ZNF48: variants seen among roughly 807,000 people sequenced by gnomAD.
ZNF48 encodes zinc finger protein 553.
ZNF48 carries 20 observed loss-of-function variants against 40.0 expected under a neutral mutation model. That is an observed-to-expected ratio of 0.50 (90% CI 0.35 to 0.73). The LOEUF (loss-of-function observed/expected upper bound fraction) is 0.73, where lower values mean the gene tolerates loss of function less well. Ranked by LOEUF, ZNF48 falls within the 30% of genes least tolerant of loss-of-function variation. The pLI is 0.01. For missense variants in ZNF48, 726 were observed against 851.9 expected, an observed-to-expected ratio of 0.85 and a Z score of 1.84; for synonymous variants, 298 against 329.7, an observed-to-expected ratio of 0.90 and a Z score of 1.04.
intron 1 of ZNF48, chr16:30,379,445 C>T: frequency 4.3e-6 from 7 of 1,613,468 alleles, no homozygotes; most frequent in Non-Finnish European, 5.9e-6. Context: ...CCTCCACGGT[C>T]CCCCAGGAGT....
At chr16:30,386,214 G>A (rs1249663251) in intron 1 of ZNF48, among the ~76,000 whole-genome samples, 1 of 152,120 alleles carries the variant, frequency 6.6e-6, no homozygotes, top group Non-Finnish European at 1.5e-5. Context: ...AGGAATTTGA[G>A]GCTGCAATGA....
At chr16:30,380,029 C>T (rs764119149) in intron 1 of ZNF48, 13 of 1,609,608 alleles carry the variant, frequency 8.1e-6, no homozygotes, top group Middle Eastern at 1.6e-4. Context: ...CAACTGATCC[C>T]GGATCTCAGG....
At chr16:30,392,886 G>A (rs1168108896), upstream of ZNF48, among the ~76,000 whole-genome samples, 5 of 152,186 alleles carry the variant, frequency 3.3e-5, no homozygotes, top group Non-Finnish European at 7.3e-5. Context: ...AGAGCTCCCT[G>A]AAGAGTTTCT....
At chr16:30,389,354 G>A (rs2049924914) in intron 1 of ZNF48, among the ~76,000 whole-genome samples, 1 of 149,674 alleles carries the variant, frequency 6.7e-6, no homozygotes, top group Non-Finnish European at 1.5e-5. Flanking sequence ...TTGTGCTACT[G>A]CACTCCAGCC....
upstream of ZNF48, among the ~76,000 whole-genome samples, chr16:30,393,838 C>T (rs908714470): frequency 2.6e-5 from 4 of 152,110 alleles, no homozygotes; most frequent in African/African-American, 9.7e-5. Context: ...GCCTCAGTCT[C>T]CAGTGTAGCC....
At chr16:30,388,096 AGCTGGGATTGATTACAG>A (rs1358689660) in intron 1 of ZNF48, among the ~76,000 whole-genome samples, 3 of 151,598 alleles carry the variant, frequency 2.0e-5, no homozygotes, top group Admixed American at 1.3e-4. Flanking sequence ...CCTCCCAAGT[AGCTGGGATTGATTACAG>A]GCATGCACCA....
intron 1 of ZNF48, chr16:30,378,670 G>T: frequency 6.2e-7 from 1 of 1,609,730 alleles, no homozygotes. Context: ...TGGGCAGCGG[G>T]ATCTCTGTGG....
In ZNF48 at chr16:30,381,867, G is replaced by C. The variant is rs1274912895; in HGVS notation, c.-16+3457G>C. On this transcript the variant is annotated intron_variant, in intron 1 of 2. Transcript: ENST00000528032. The surrounding 1 kb of genome is among the most constrained non-coding windows in gnomAD (Gnocchi z 4.3). ...CTACGCCCCGGCGCTCAATGGCCAG[G>C]GTCTGTGTCAAGCGAGCTGTGGGAT... is the stretch of plus-strand genomic sequence containing the variant. The C allele has an allele frequency of 1.2e-6, 2 of 1,614,002 alleles. No individual in the cohort carries two copies. The highest frequency in any genetic ancestry group is 1.7e-6 in the Non-Finnish European group (2 of 1,180,016).
At chr16:30,396,012 A>G in intron 2 of ZNF48, 139 bp downstream of exon 2, 1 of 902,246 alleles carries the variant, frequency 1.1e-6, no homozygotes. Flanking sequence ...GAGCTTTCGG[A>G]GCACCAACTG....
In ZNF48 at chr16:30,398,912, G is replaced by C. The variant is rs2050023943; in HGVS notation, c.1662G>C (p.Arg554=). 1 of 1,613,700 alleles carries C rather than the reference G, an allele frequency of 6.2e-7. No homozygotes were observed. The highest frequency in any genetic ancestry group is 1.1e-5 in the South Asian group (1 of 91,066). ...VCGFCGKEFP[R]SSDLVKHRRT... is the part of the protein sequence containing the mutation. ...GCTTCTGTGGGAAGGAGTTCCCCCG[G>C]AGCTCAGATCTGGTCAAACACAGGC... The change falls in exon 3 of 3, where the codon CGG becomes CGC. Residue 554 remains arginine (R), a synonymous_variant. Transcript: ENST00000613509. The surrounding 1 kb of genome is among the most constrained non-coding windows in gnomAD (Gnocchi z 6.6).
rs773826832 is a variant in ZNF48, at chr16:30,381,326, C to A, written c.-16+2916C>A. On this transcript the variant is annotated intron_variant, in intron 1 of 2. Coordinates refer to the ZNF48 transcript ENST00000528032. The surrounding 1 kb of genome is among the most constrained non-coding windows in gnomAD (Gnocchi z 4.3). ...CCCTAAATGCGCCAGCCCCCAGGAT[C>A]CCCCCACCAGACCCCCGGCCGAAGG... 1.1e-5 allele frequency: 17 copies of A among 1,593,762 alleles called. No individual in the cohort carries two copies. The East Asian group carries it at 2.9e-4, about 27-fold the overall frequency.
At chr16:30,393,107 G>A (rs934108964), upstream of ZNF48, among the ~76,000 whole-genome samples, 13 of 150,964 alleles carry the variant, frequency 8.6e-5, no homozygotes, top group African/African-American at 2.4e-4. Flanking sequence ...ATGAAGTCTC[G>A]CTCTTGTCCC....
chr16:30,379,045 G>A, intron 1 of ZNF48: 4 of 1,613,658 alleles, frequency 2.5e-6, no homozygotes, highest in Non-Finnish European at 3.4e-6. Context: ...GCGAGCCCCA[G>A]GCCGGGCCAG....
intron 2 of ZNF48, among the ~76,000 whole-genome samples, chr16:30,396,922 G>A (rs756820161): frequency 6.6e-6 from 1 of 151,748 alleles, no homozygotes; most frequent in Non-Finnish European, 1.5e-5. Flanking sequence ...TAACTCCTGG[G>A]CTTAAGTGAT....
chr16:30,399,368 G>A lies in ZNF48; in HGVS notation c.*261G>A, dbSNP rs1252465015. 1 of 387,684 alleles carries A rather than the reference G, an allele frequency of 2.6e-6. No individual in the cohort carries two copies. The highest frequency in any genetic ancestry group is 3.9e-5 in the East Asian group (1 of 25,408). The allele number at this position is 387,684 out of a possible 1,614,324, so 24.0% of individuals were successfully genotyped here. A position where few individuals can be genotyped will look rare whatever the true frequency, so the allele number is the denominator to read the frequency against. On this transcript the variant is annotated 3_prime_UTR_variant, in exon 3 of 3. Coordinates refer to ENST00000613509, the MANE Select transcript of ZNF48 (RefSeq NM_001214909.2). ...AGCACACAGTAGGCATTCAATACTT[G>A]TTGAATAAATAAACTGGCTTTCACC...
At position 30,398,199 on chromosome 16, in the gene ZNF48, G is replaced by A. The variant is rs764537359; in HGVS notation, c.949G>A (p.Asp317Asn). ...VCGKEFARGS[D>N]LVKHLRVHTG... ...TGGAAAGGAGTTTGCCCGGGGATCCGACCTGGTGAAGCACCTGCGGGTGCA... is the reference window on the plus strand; with the variant it reads ...TGGAAAGGAGTTTGCCCGGGGATCCAACCTGGTGAAGCACCTGCGGGTGCA... The change falls in exon 3 of 3, where the codon GAC becomes AAC. Residue 317 changes from aspartate to asparagine, a missense_variant. Coordinates refer to ENST00000613509, the MANE Select transcript of ZNF48 (RefSeq NM_001214909.2). The surrounding 1 kb of genome is among the most constrained non-coding windows in gnomAD (Gnocchi z 6.6). The A allele has an allele frequency of 1.9e-6, 3 of 1,613,952 alleles. No individual in the cohort carries two copies. Among genetic ancestry groups the A allele is most frequent in the Admixed American group, 1.7e-5 (1 of 60,024 alleles).
rs1285069843 is a variant in ZNF48 at position 30,381,791 on chromosome 16, C to T, written c.-16+3381C>T. 6.2e-7 allele frequency: 1 copy of T among 1,614,016 alleles called. No homozygotes were observed. The highest frequency in any genetic ancestry group is 1.3e-5 in the African/African-American group (1 of 74,908). ...GAGCAGTCCACTGAGTCCCCAAAGCCAGGTGTGTCCACAAGGGTCAGCTTC... is the reference window on the plus strand; with the variant it reads ...GAGCAGTCCACTGAGTCCCCAAAGCTAGGTGTGTCCACAAGGGTCAGCTTC... On this transcript the variant is annotated intron_variant, in intron 1 of 2. Coordinates refer to the ZNF48 transcript ENST00000528032. This position sits in a 1 kb window ranked among gnomAD's most constrained non-coding sequence, Gnocchi z 4.3.
Position 30,378,942 on chromosome 16 carries a change from G to A in ZNF48, c.-16+532G>A. On this transcript the variant is annotated intron_variant, in intron 1 of 2. Coordinates refer to the ZNF48 transcript ENST00000528032. ...GGTGAAGGCGGAGTCACGGGTGGTGGGGACGAGTCCTCAGGGCGGGGTCAT... is the reference window on the plus strand; with the variant it reads ...GGTGAAGGCGGAGTCACGGGTGGTGAGGACGAGTCCTCAGGGCGGGGTCAT... The A allele has an allele frequency of 2.1e-6, 3 of 1,455,062 alleles. No individual in the cohort carries two copies. The Admixed American group carries it at 5.7e-5, about 28-fold the overall frequency. 90.1% of individuals were successfully genotyped at this position (1,455,062 alleles called of 1,614,324 possible). A position where few individuals can be genotyped will look rare whatever the true frequency, so the allele number is the denominator to read the frequency against.
rs904804393 is a variant in ZNF48 at position 30,384,213 on chromosome 16, TCAAACAAA to T, written c.-16+5820_-16+5827del. ...CTGGGCAACAGAGCAAGACCCTATC[TCAAACAAA>T]CAAACAAACAAACAAATCTACCTCA... On this transcript the variant is annotated intron_variant, in intron 1 of 2. Coordinates refer to the ZNF48 transcript ENST00000528032. Among the ~76,000 whole-genome samples the T allele has an allele frequency of 8.2e-5, 12 of 145,738 alleles. No homozygotes were observed. The East Asian group carries it at 8.3e-4, about 10-fold the overall frequency.
Sources: allele counts gnomAD v4.1 joint callset (sites outside exome capture counted in the v4.1 genomes callset), GRCh38; gene constraint gnomAD v4.1.1; non-coding constraint Gnocchi (gnomAD v3.1); transcripts MANE v1.5; gene names NCBI Gene and HGNC (gene_info 2026-07-23, HGNC 2026-07-21).